Variants in ALCAM observed in about 807,000 individuals in gnomAD.
ALCAM encodes CD166 antigen.
ALCAM carries 30 observed loss-of-function variants against 70.9 expected under a neutral mutation model. The observed-to-expected ratio is 0.42, with a 90% confidence interval of 0.32 to 0.57. The LOEUF (loss-of-function observed/expected upper bound fraction) is 0.57, where lower values mean the gene tolerates loss of function less well. ALCAM is among the 20% of genes least tolerant of loss of function. The pLI is 0.11. For synonymous variants in ALCAM, 249 were observed against 242.5 expected, an observed-to-expected ratio of 1.03 and a Z score of -0.25; for missense variants, 591 against 695.1, an observed-to-expected ratio of 0.85 and a Z score of 1.68.
chr3:105,420,846 G>A (rs1936631664), intron 1 of ALCAM, among the ~76,000 whole-genome samples: 1 of 151,532 alleles, frequency 6.6e-6, no homozygotes, highest in Admixed American at 6.6e-5. Flanking sequence ...ACATATCTTG[G>A]TGGAGGTGCA....
At chr3:105,513,886 A>G (rs955449701) in intron 1 of ALCAM, among the ~76,000 whole-genome samples, 5 of 151,916 alleles carry the variant, frequency 3.3e-5, no homozygotes, top group African/African-American at 1.2e-4. Context: ...CATGTTCCTT[A>G]TGAAGATCAA....
At chr3:105,384,242 TATC>T (rs1301373489) in intron 1 of ALCAM, among the ~76,000 whole-genome samples, 1 of 151,640 alleles carries the variant, frequency 6.6e-6, no homozygotes, top group Non-Finnish European at 1.5e-5. Context: ...GAAACCAACA[TATC>T]ATTTTGAGAA....
At chr3:105,542,112 G>A (rs1039162889) in intron 8 of ALCAM, among the ~76,000 whole-genome samples, 7 of 151,820 alleles carry the variant, frequency 4.6e-5, no homozygotes, top group Non-Finnish European at 7.4e-5. Flanking sequence ...AAGTGCACCA[G>A]CTTTGCAGTT....
intron 1 of ALCAM, among the ~76,000 whole-genome samples, chr3:105,446,659 G>T (rs913919799): frequency 4.0e-5 from 6 of 149,988 alleles, no homozygotes; most frequent in Non-Finnish European, 8.9e-5. Flanking sequence ...ACATAATGGA[G>T]TACTACTGAG....
chr3:105,456,638 G>C (rs1478793134), intron 1 of ALCAM, among the ~76,000 whole-genome samples: 2 of 152,092 alleles, frequency 1.3e-5, no homozygotes, highest in African/African-American at 4.8e-5. Flanking sequence ...AGTACAGAAG[G>C]GTGATGTTTT....
At chr3:105,481,595 T>C (rs1317311942) in intron 1 of ALCAM, among the ~76,000 whole-genome samples, 1 of 152,180 alleles carries the variant, frequency 6.6e-6, no homozygotes, top group Non-Finnish European at 1.5e-5. Flanking sequence ...TTATCTTTTA[T>C]AAGAAGACTA....
intron 1 of ALCAM, among the ~76,000 whole-genome samples, chr3:105,394,496 A>G (rs1485066394): frequency 6.6e-6 from 1 of 151,834 alleles, no homozygotes; most frequent in Non-Finnish European, 1.5e-5. Flanking sequence ...CTTTGTTGTT[A>G]TTTACATTTA....
At chr3:105,434,297 C>G (rs62263606) in intron 1 of ALCAM, among the ~76,000 whole-genome samples, 1 of 151,872 alleles carries the variant, frequency 6.6e-6, no homozygotes, top group Admixed American at 6.5e-5. Context: ...AATATTGGAG[C>G]GAGAAAACAT....
chr3:105,554,369 C>G (rs1160756779), intron 14 of ALCAM, among the ~76,000 whole-genome samples: 1 of 151,908 alleles, frequency 6.6e-6, no homozygotes, highest in East Asian at 1.9e-4. Context: ...GAAGTTCCCT[C>G]TTACTAAGCC....
In ALCAM at chr3:105,514,306, A is replaced by C. The variant is rs62260821; in HGVS notation, c.74-5761A>C. Among the ~76,000 whole-genome samples, 186 of 152,100 alleles carry C rather than the reference A, an allele frequency of 1.2e-3. 2 individuals are homozygous for C. In the Middle Eastern group the frequency reaches 0.02, roughly 17 times the overall value. ...TGATTTTTGAGATAGGCCTTAAAGG[A>C]AACATAGGAATCTGAACAGAGTAGA... is the stretch of plus-strand genomic sequence containing the variant. On this transcript the variant is annotated intron_variant, in intron 1 of 15. Coordinates refer to ENST00000306107, the MANE Select transcript of ALCAM (RefSeq NM_001627.4).
rs968846194 is a variant in ALCAM, at chr3:105,525,399, G to A, written c.394+891G>A. On this transcript the variant is annotated intron_variant, in intron 3 of 15. Coordinates refer to ENST00000306107, the MANE Select transcript of ALCAM (RefSeq NM_001627.4). ...TTTTAAAACTCAAATAAAAAGTCCC[G>A]CCTCTATTACTTCACAATATTTTAG... 33 of 962,138 alleles carry A rather than the reference G, an allele frequency of 3.4e-5. No individual in the cohort carries two copies. In the South Asian group the frequency reaches 3.8e-4, roughly 11 times the overall value. 59.6% of individuals were successfully genotyped at this position (962,138 alleles called of 1,614,324 possible).
At chr3:105,476,567 C>T (rs1312572642) in intron 1 of ALCAM, among the ~76,000 whole-genome samples, 1 of 151,856 alleles carries the variant, frequency 6.6e-6, no homozygotes, top group Non-Finnish European at 1.5e-5. Context: ...TATATTTATT[C>T]AACTGCCAGT....
chr3:105,485,049 TA>T (rs1938387181), intron 1 of ALCAM, among the ~76,000 whole-genome samples: 1 of 152,116 alleles, frequency 6.6e-6, no homozygotes, highest in Non-Finnish European at 1.5e-5. Context: ...AATAACCTTT[TA>T]TTCATTGTTC....
At chr3:105,498,569 A>G (rs998253613) in intron 1 of ALCAM, among the ~76,000 whole-genome samples, 3 of 152,102 alleles carry the variant, frequency 2.0e-5, no homozygotes, top group Non-Finnish European at 4.4e-5. Context: ...ACCTGCCTTG[A>G]TATCATGTAG....
intron 1 of ALCAM, among the ~76,000 whole-genome samples, chr3:105,486,712 A>T (rs941108922): frequency 3.7e-4 from 57 of 152,116 alleles, no homozygotes; most frequent in African/African-American, 1.1e-3. Context: ...TTCATTAGAT[A>T]GGGGACATAT....
intron 1 of ALCAM, among the ~76,000 whole-genome samples, chr3:105,459,332 T>C (rs1424011526): frequency 1.3e-5 from 2 of 152,166 alleles, no homozygotes; most frequent in Non-Finnish European, 2.9e-5. Flanking sequence ...TAGCCATGTT[T>C]TCAATACTTG....
chr3:105,411,329 A>G (rs557900916), intron 1 of ALCAM, among the ~76,000 whole-genome samples: 12 of 152,230 alleles, frequency 7.9e-5, no homozygotes, highest in African/African-American at 2.6e-4. Flanking sequence ...TCACTTCTGG[A>G]TGTCCCACTT....
chr3:105,485,686 T>G (rs1262402067), intron 1 of ALCAM, among the ~76,000 whole-genome samples: 1 of 152,088 alleles, frequency 6.6e-6, no homozygotes, highest in African/African-American at 2.4e-5. Flanking sequence ...TACTTCGGTT[T>G]TAGATTAAGC....
chr3:105,442,442 G>A (rs1165610519), intron 1 of ALCAM, among the ~76,000 whole-genome samples: 1 of 152,030 alleles, frequency 6.6e-6, no homozygotes, highest in Non-Finnish European at 1.5e-5. Flanking sequence ...TCAAATATTT[G>A]AGAGAAAAAA....
Sources: gnomAD v4.1 joint callset for allele counts (sites outside exome capture counted in the v4.1 genomes callset) on GRCh38, gnomAD v4.1.1 for gene constraint, MANE v1.5 for transcripts, NCBI Gene and HGNC (gene_info 2026-07-23, HGNC 2026-07-21) for gene names.